The following ZNF462 variants were observed in gnomAD, a reference collection of about 807,000 sequenced individuals.
ZNF462 encodes the protein zinc finger protein 462, also known as zinc finger PBX1-interacting protein.
A neutral mutation model predicts 201.9 loss-of-function variants in ZNF462; 10 were observed. The observed-to-expected ratio is 0.05, with a 90% CI of 0.03 to 0.08. The LOEUF is 0.08. ZNF462 is among the 10% of genes least tolerant of loss of function. The probability of loss-of-function intolerance (pLI) is 1.00; values close to 1 mark genes in which losing one functional copy is unlikely to be tolerated. For missense variants in ZNF462, 2,523 were observed against 3,168.3 expected, an observed-to-expected ratio of 0.80 and a Z score of 4.89; for synonymous variants, 1,227 against 1,193.3, an observed-to-expected ratio of 1.03 and a Z score of -0.58.
intron 10 of ZNF462, among the ~76,000 whole-genome samples, chr9:106,991,838 CTACACACACA>C (rs1422364557): frequency 3.5e-4 from 45 of 128,230 alleles, no homozygotes; most frequent in African/African-American, 1.3e-3. Flanking sequence ...ACAGCACTCT[CTACACACACA>C]CACACACACA....
Position 106,935,234 on chromosome 9 carries a change from A to G in ZNF462, c.6117-269A>G, listed in dbSNP as rs372960823. On this transcript the variant is annotated intron_variant, in intron 5 of 12. Transcript: ENST00000277225. This position sits in a 1 kb window ranked among gnomAD's most constrained non-coding sequence, Gnocchi z 4.1. ...AATGATCAGAGCTCTAAGAAGGGAC[A>G]ATAAAGATTCTTACCATGACCTGTT... Among the ~76,000 whole-genome samples the G allele has an allele frequency of 3.9e-5, 6 of 152,208 alleles. No homozygotes were observed. The South Asian group carries it at 8.3e-4, about 21-fold the overall frequency.
chr9:106,917,001 C>T lies in ZNF462; in HGVS notation c.-30-6353C>T, dbSNP rs909675810. On this transcript the variant is annotated intron_variant, in intron 1 of 12. Coordinates refer to ENST00000277225, the MANE Select transcript of ZNF462 (RefSeq NM_021224.6). This position sits in a 1 kb window ranked among gnomAD's most constrained non-coding sequence, Gnocchi z 4.5. Reference sequence around the variant, plus strand: ...CTTTTATCTCCTTATTCAAATCACACGCTTCCTTTTCTACGGACAGGAGAG... The same window carrying T: ...CTTTTATCTCCTTATTCAAATCACATGCTTCCTTTTCTACGGACAGGAGAG... Among the ~76,000 whole-genome samples the T allele has an allele frequency of 2.0e-5, 3 of 152,222 alleles. No homozygotes were observed. Among genetic ancestry groups the T allele is most frequent in the East Asian group, 3.8e-4 (2 of 5,198 alleles).
At position 106,895,249 on chromosome 9, in the gene ZNF462, G is replaced by C. The variant is rs1828760432; in HGVS notation, c.-30-28105G>C. Among the ~76,000 whole-genome samples the C allele has an allele frequency of 6.6e-6, 1 of 152,116 alleles. No homozygotes were observed. Among genetic ancestry groups the C allele is most frequent in the African/African-American group, 2.4e-5 (1 of 41,416 alleles). On this transcript the variant is annotated intron_variant, in intron 1 of 12. Transcript: ENST00000277225. The surrounding 1 kb of genome is among the most constrained non-coding windows in gnomAD (Gnocchi z 4.4). ...CATATGTTAGAAAAAATTGAGCTTA[G>C]ACCACAGCTCATTAGTTAACTCTGG...
chr9:106,864,053 T>TCTCTCTCTCC, intron 1 of ZNF462, among the ~76,000 whole-genome samples: 1 of 60,012 alleles, frequency 1.7e-5, no homozygotes, highest in East Asian at 4.0e-4. Context: ...TCTCTCTCTC[T>TCTCTCTCTCC]CTCTCTCTCT....
Position 106,902,255 on chromosome 9 carries a change from TC to T in ZNF462, c.-30-21096del, listed in dbSNP as rs1362790161. 2.0e-5 allele frequency among the ~76,000 whole-genome samples: 3 copies of T among 152,214 alleles called. No individual in the cohort carries two copies. The highest frequency in any genetic ancestry group is 7.2e-5 in the African/African-American group (3 of 41,460). On this transcript the variant is annotated intron_variant, in intron 1 of 12. Coordinates refer to ENST00000277225, the MANE Select transcript of ZNF462 (RefSeq NM_021224.6). The surrounding 1 kb of genome is among the most constrained non-coding windows in gnomAD (Gnocchi z 4.2). ...TCATGTATGTTAAACCATCCCTGCA[TC>T]CCTGGTATGAAACCCACTTGATCAT...
At chr9:106,995,968 C>T (rs1828694705) in intron 10 of ZNF462, among the ~76,000 whole-genome samples, 1 of 152,154 alleles carries the variant, frequency 6.6e-6, no homozygotes, top group Non-Finnish European at 1.5e-5. Context: ...CTTCCCTCTA[C>T]CCCCACCCCA....
intron 1 of ZNF462, among the ~76,000 whole-genome samples, chr9:106,882,287 T>G (rs1368991419): frequency 6.6e-6 from 1 of 152,196 alleles, no homozygotes; most frequent in Non-Finnish European, 1.5e-5. Context: ...ATGTACACAG[T>G]CAAAATGTAT....
intron 1 of ZNF462, among the ~76,000 whole-genome samples, chr9:106,868,399 G>A (rs922643473): frequency 6.6e-6 from 1 of 152,138 alleles, no homozygotes; most frequent in African/African-American, 2.4e-5. Context: ...AGAAAGAAAG[G>A]AAAAGAGGCA....
At position 106,923,292 on chromosome 9, in the gene ZNF462, A is replaced by G. The variant is rs1830057653; in HGVS notation, c.-30-62A>G. Reference sequence around the variant, plus strand: ...TTCCCATTAATGGATATATAGCCCCATCAGCTCGAGGTATGTGATTAGTGC... The same window carrying G: ...TTCCCATTAATGGATATATAGCCCCGTCAGCTCGAGGTATGTGATTAGTGC... On this transcript the variant is annotated intron_variant, in intron 1 of 12. Coordinates refer to ENST00000277225, the MANE Select transcript of ZNF462 (RefSeq NM_021224.6). This position sits in a 1 kb window ranked among gnomAD's most constrained non-coding sequence, Gnocchi z 5.6. The G allele has an allele frequency of 2.4e-6, 3 of 1,275,772 alleles. No homozygotes were observed. Among genetic ancestry groups the G allele is most frequent in the Non-Finnish European group, 3.4e-6 (3 of 881,308 alleles). The allele number at this position is 1,275,772 out of a possible 1,614,324, so 79.0% of individuals were successfully genotyped here.
In ZNF462 at chr9:106,932,374, A is replaced by G. The variant is rs1305464478; in HGVS notation, c.6013-72A>G. ...TGGTGAACACTGCTTGCTTGATGGAATGTTGGAGGATGAAACCCGGCCGGG... is the reference window on the plus strand; with the variant it reads ...TGGTGAACACTGCTTGCTTGATGGAGTGTTGGAGGATGAAACCCGGCCGGG... On this transcript the variant is annotated intron_variant, in intron 4 of 12. Transcript: ENST00000277225. This position sits in a 1 kb window ranked among gnomAD's most constrained non-coding sequence, Gnocchi z 6.8. 4 of 1,606,698 alleles carry G rather than the reference A, an allele frequency of 2.5e-6. No individual in the cohort carries two copies. Among genetic ancestry groups the G allele is most frequent in the Admixed American group, 3.4e-5 (2 of 58,870 alleles).
rs376852979 is a variant in ZNF462, at chr9:106,895,631, C to T, written c.-30-27723C>T. Among the ~76,000 whole-genome samples the T allele has an allele frequency of 6.6e-5, 10 of 152,292 alleles. No homozygotes were observed. The South Asian group carries it at 8.3e-4, about 13-fold the overall frequency. On this transcript the variant is annotated intron_variant, in intron 1 of 12. Coordinates refer to ENST00000277225, the MANE Select transcript of ZNF462 (RefSeq NM_021224.6). This position sits in a 1 kb window ranked among gnomAD's most constrained non-coding sequence, Gnocchi z 4.4. ...GACATTTGAAACTGGATAGATCTTACGTTATTTAATCCCTATGAAATGGAT... is the reference window on the plus strand; with the variant it reads ...GACATTTGAAACTGGATAGATCTTATGTTATTTAATCCCTATGAAATGGAT...
chr9:106,962,125 T>C lies in ZNF462; in HGVS notation c.6428-9880T>C, dbSNP rs1454576964. Among the ~76,000 whole-genome samples the C allele has an allele frequency of 1.3e-5, 2 of 151,776 alleles. No individual in the cohort carries two copies. The highest frequency in any genetic ancestry group is 1.9e-4 in the East Asian group (1 of 5,162). ...TGCATTTTAGAAAAGAAAGGAATCA[T>C]AGGGGGAGAAGAAACTGGAAAATGG... is the stretch of plus-strand genomic sequence containing the variant. On this transcript the variant is annotated intron_variant, in intron 7 of 12. Transcript: ENST00000277225. The surrounding 1 kb of genome is among the most constrained non-coding windows in gnomAD (Gnocchi z 4.6).
chr9:106,904,889 T>G (rs967808819), intron 1 of ZNF462, among the ~76,000 whole-genome samples: 1 of 152,242 alleles, frequency 6.6e-6, no homozygotes, highest in Non-Finnish European at 1.5e-5. Flanking sequence ...ATTAGCTTAA[T>G]AACTAACCTC....
rs1588136573 is a variant in ZNF462, at chr9:106,972,618, G to C, written c.6695+346G>C. The stretch of plus-strand genomic sequence containing the variant: ...CCTTTTTTTAGCTTTGGAAAAAAAA[G>C]TATGTTCTTGGAAGCAAAGTCAAAG... On this transcript the variant is annotated intron_variant, in intron 8 of 12. Coordinates refer to ENST00000277225, the MANE Select transcript of ZNF462 (RefSeq NM_021224.6). The surrounding 1 kb of genome is among the most constrained non-coding windows in gnomAD (Gnocchi z 4.8). 6.7e-6 allele frequency among the ~76,000 whole-genome samples: 1 copy of C among 150,258 alleles called. No individual in the cohort carries two copies. Among genetic ancestry groups the C allele is most frequent in the East Asian group, 1.9e-4 (1 of 5,192 alleles).
intron 7 of ZNF462, among the ~76,000 whole-genome samples, chr9:106,964,344 G>C (rs1831976847): frequency 6.6e-6 from 1 of 151,846 alleles, no homozygotes. Context: ...TTCTTTTTTT[G>C]ATAATCACCA....
intron 1 of ZNF462, among the ~76,000 whole-genome samples, chr9:106,916,428 G>A (rs1021277815): frequency 1.3e-5 from 2 of 152,198 alleles, no homozygotes; most frequent in Admixed American, 6.5e-5. Flanking sequence ...CAGCATATCT[G>A]CAACTTCCCT....
chr9:106,930,935 C>G lies in ZNF462; in HGVS notation c.6012+246C>G. On this transcript the variant is annotated intron_variant, in intron 4 of 12. Transcript: ENST00000277225. This position sits in a 1 kb window ranked among gnomAD's most constrained non-coding sequence, Gnocchi z 5.8. The stretch of plus-strand genomic sequence containing the variant: ...GATAGTTTGGTGGCAGCAGAAGGTC[C>G]AGGATTCTCGGTCTAGGAGGCTTCG... 1 of 431,994 alleles carries G rather than the reference C, an allele frequency of 2.3e-6. No individual in the cohort carries two copies. The highest frequency in any genetic ancestry group is 4.3e-6 in the Non-Finnish European group (1 of 235,028). 26.8% of individuals were successfully genotyped at this position (431,994 alleles called of 1,614,324 possible).
rs149700929 is a variant in ZNF462, at chr9:106,943,976, T to G, written c.6427+4869T>G. ...TCTGCCAAGATAAAAAAATCTTCCT[T>G]GACAAAGAGCGTTTTAAATATTGTC... On this transcript the variant is annotated intron_variant, in intron 7 of 12. Transcript: ENST00000277225. Among the ~76,000 whole-genome samples the G allele has an allele frequency of 3.4e-3, 525 of 152,316 alleles. 6 individuals carry two copies. The highest frequency in any genetic ancestry group is 0.012 in the African/African-American group (511 of 41,584).
At position 106,937,774 on chromosome 9, in the gene ZNF462, G is replaced by T. The variant is rs187657139; in HGVS notation, c.6236-1142G>T. On this transcript the variant is annotated intron_variant, in intron 6 of 12. Transcript: ENST00000277225. Reference sequence around the variant, plus strand: ...TAAACTCCAAGAATTTATTTTAATTGAATAAAATAAATCATCAATAGGATA... The same window carrying T: ...TAAACTCCAAGAATTTATTTTAATTTAATAAAATAAATCATCAATAGGATA... Among the ~76,000 whole-genome samples, 183 of 151,746 alleles carry T rather than the reference G, an allele frequency of 1.2e-3. 1 individual carries two copies. In the East Asian group the frequency reaches 0.031, roughly 25 times the overall value.
Sources: gnomAD v4.1 joint callset for allele counts (sites outside exome capture counted in the v4.1 genomes callset) on GRCh38, gnomAD v4.1.1 for gene constraint, Gnocchi (gnomAD v3.1) non-coding constraint, MANE v1.5 for transcripts, NCBI Gene and HGNC (gene_info 2026-07-23, HGNC 2026-07-21) for gene names.